Variants in TMPRSS15 observed in about 807,000 individuals in gnomAD.
The protein encoded by TMPRSS15 is transmembrane serine protease 15.
Under a neutral mutation model 125.3 loss-of-function variants are expected in TMPRSS15, and 128 were observed. That is an observed-to-expected ratio of 1.02 (90% CI 0.89 to 1.18). The LOEUF is 1.18. TMPRSS15 is among the 50% of genes most tolerant of loss of function. TMPRSS15 has a pLI of 0.00. For synonymous variants in TMPRSS15, 446 were observed against 423.2 expected (o/e 1.05, Z -0.66); for missense variants, 1,283 against 1,212.7 (o/e 1.06, Z -0.86).
At chr21:18,378,103 C>A (rs554775318) in intron 5 of TMPRSS15, among the ~76,000 whole-genome samples, 2 of 152,142 alleles carry the variant, frequency 1.3e-5, no homozygotes, top group East Asian at 3.9e-4. Flanking sequence ...AGAAAAATGG[C>A]ATTAATTTGG....
rs2075799096 is a variant in TMPRSS15 at position 18,372,256 on chromosome 21, C to G, written c.601G>C (p.Asp201His). 8 of 1,613,136 alleles carry G rather than the reference C, an allele frequency of 5.0e-6. No individual in the cohort carries two copies. The East Asian group carries it at 1.8e-4, about 36-fold the overall frequency. ...TTTACTTCTCCATCACAAAATAAAT[C>G]AGCTTTTATACACGTTAGAGCATCA... ...CTDALTCIKADLFCDGEVNCP... is the reference protein window; with the variant it reads ...CTDALTCIKAHLFCDGEVNCP... The change falls in exon 6 of 25, where the codon GAT becomes CAT. Residue 201 changes from aspartate (D) to histidine (H), a missense_variant. Coordinates refer to ENST00000284885, the MANE Select transcript of TMPRSS15 (RefSeq NM_002772.3).
intron 5 of TMPRSS15, among the ~76,000 whole-genome samples, chr21:18,374,442 C>T (rs547313530): frequency 2.9e-5 from 4 of 136,402 alleles, no homozygotes; most frequent in South Asian, 2.4e-4. Context: ...CACTGCAGTC[C>T]GCAGTCCGGC....
In TMPRSS15 at chr21:18,313,046, A is replaced by G. The variant is rs1569000316; in HGVS notation, c.2064T>C (p.Asn688=). The change falls in exon 18 of 25, where the codon AAT becomes AAC. Residue 688 remains asparagine (N), a synonymous_variant. Transcript: ENST00000284885. ...TCTGGATTCTGAACCGCACTAAACC[A>G]TTGTTGTTCGTTGTGCCATTGAAAA... ...VRFFNGTTNN[N]GLVRFRIQSI... The G allele has an allele frequency of 3.7e-6, 6 of 1,614,008 alleles. No individual in the cohort carries two copies. The highest frequency in any genetic ancestry group is 1.7e-5 in the Admixed American group (1 of 60,010).
intron 1 of TMPRSS15, among the ~76,000 whole-genome samples, chr21:18,410,543 T>C (rs939296852): frequency 1.3e-5 from 2 of 152,048 alleles, no homozygotes; most frequent in African/African-American, 4.8e-5. Context: ...TAGAACTTTT[T>C]TGAGTTTCTT....
chr21:18,450,321 T>C, intron 1 of TMPRSS15, among the ~76,000 whole-genome samples: 1 of 152,262 alleles, frequency 6.6e-6, no homozygotes, highest in African/African-American at 2.4e-5. Context: ...AGATCTATTT[T>C]TTTCTAAAAC....
rs778491832 is a variant in TMPRSS15 at position 18,352,926 on chromosome 21, T to A, written c.1148A>T (p.Asp383Val). The A allele has an allele frequency of 2.5e-6, 4 of 1,612,234 alleles. No individual in the cohort carries two copies. In the Admixed American group the frequency reaches 6.7e-5, roughly 27 times the overall value. The change falls in exon 10 of 25, where the codon GAC becomes GTC. Residue 383 changes from aspartate (D) to valine (V), a missense_variant. Coordinates refer to ENST00000284885, the MANE Select transcript of TMPRSS15 (RefSeq NM_002772.3). ...ACCTGAAGCATTGCCAAAAGTGTGG[T>A]CAAAATTGGGTCCAGTAAAAGGAGA... Reference protein sequence around the residue: ...TFSPFTGPNFDHTFGNASGFY... With the variant: ...TFSPFTGPNFVHTFGNASGFY...
chr21:18,399,415 T>C (rs1282033954), intron 1 of TMPRSS15, among the ~76,000 whole-genome samples: 1 of 152,280 alleles, frequency 6.6e-6, no homozygotes, highest in East Asian at 1.9e-4. Context: ...GCATAATTGA[T>C]GTAACATATT....
rs1186967687 is a variant in TMPRSS15, at chr21:18,466,814, G to T, written c.10+18985C>A. Among the ~76,000 whole-genome samples, 3 of 152,174 alleles carry T rather than the reference G, an allele frequency of 2.0e-5. No individual in the cohort carries two copies. In the East Asian group the frequency reaches 5.8e-4, roughly 29 times the overall value. ...GAATGCTTGTACACAGTTGGTGAGA[G>T]TGTAAATTAGTTCAACCATTGTGGA... is the stretch of plus-strand genomic sequence containing the variant. On this transcript the variant is annotated intron_variant, in intron 1 of 7. Coordinates refer to the TMPRSS15 transcript ENST00000422787.
chr21:18,351,591 C>T (rs1035519059), intron 10 of TMPRSS15, among the ~76,000 whole-genome samples: 1 of 152,130 alleles, frequency 6.6e-6, no homozygotes, highest in Non-Finnish European at 1.5e-5. Flanking sequence ...CCACGTAAGA[C>T]GTGTCTGCTT....
intron 5 of TMPRSS15, among the ~76,000 whole-genome samples, chr21:18,377,781 G>A (rs1431892701): frequency 6.6e-6 from 1 of 152,062 alleles, no homozygotes; most frequent in Non-Finnish European, 1.5e-5. Flanking sequence ...GAAGATTTCT[G>A]CTCCACTCAT....
intron 21 of TMPRSS15, among the ~76,000 whole-genome samples, chr21:18,293,790 CT>C (rs1259837703): frequency 1.3e-5 from 2 of 152,150 alleles, no homozygotes; most frequent in Non-Finnish European, 2.9e-5. Flanking sequence ...GAACTAAATA[CT>C]TTTATCTTAA....
chr21:18,369,965 T>TA (rs1299871680), intron 6 of TMPRSS15, among the ~76,000 whole-genome samples: 10 of 85,628 alleles, frequency 1.2e-4, no homozygotes, highest in Non-Finnish European at 2.1e-4. Flanking sequence ...ATATAATACT[T>TA]ACTTAAACGA....
chr21:18,306,288 T>C (rs1338435692), intron 18 of TMPRSS15, among the ~76,000 whole-genome samples: 1 of 152,154 alleles, frequency 6.6e-6, no homozygotes, highest in Non-Finnish European at 1.5e-5. Flanking sequence ...GGATGAAACA[T>C]AGGTTCTATT....
chr21:18,312,691 G>A (rs2075113193), intron 18 of TMPRSS15, among the ~76,000 whole-genome samples: 2 of 151,528 alleles, frequency 1.3e-5, no homozygotes, highest in Non-Finnish European at 2.9e-5. Flanking sequence ...CCACACATAA[G>A]TATTTTGTAT....
intron 16 of TMPRSS15, among the ~76,000 whole-genome samples, chr21:18,316,950 A>G (rs2075173678): frequency 6.6e-6 from 1 of 152,134 alleles, no homozygotes; most frequent in African/African-American, 2.4e-5. Context: ...TCAGGTGTGG[A>G]GAGGCTCAAT....
intron 12 of TMPRSS15, among the ~76,000 whole-genome samples, chr21:18,342,477 T>C (rs148187268): frequency 2.0e-5 from 3 of 152,340 alleles, no homozygotes; most frequent in African/African-American, 7.2e-5. Flanking sequence ...AAAGTGCACG[T>C]ATCTGTAGAA....
At chr21:18,448,753 G>A (rs545935661) in intron 1 of TMPRSS15, among the ~76,000 whole-genome samples, 2 of 98,888 alleles carry the variant, frequency 2.0e-5, no homozygotes, top group Admixed American at 3.0e-4. Flanking sequence ...TATCATTTTT[G>A]TAGTTGTTTC....
chr21:18,380,441 T>A (rs1047447085), intron 4 of TMPRSS15: 6 of 415,590 alleles, frequency 1.4e-5, no homozygotes, highest in Non-Finnish European at 5.1e-6. Context: ...GAAGACTGAA[T>A]GCCTCAGAAA....
intron 8 of TMPRSS15, among the ~76,000 whole-genome samples, chr21:18,355,270 C>A (rs917270665): frequency 1.3e-5 from 2 of 151,744 alleles, no homozygotes; most frequent in African/African-American, 4.8e-5. Flanking sequence ...TTCTCTTGGA[C>A]AATGGCCTCT....
Sources: gnomAD v4.1 joint callset for allele counts (sites outside exome capture counted in the v4.1 genomes callset) on GRCh38, gnomAD v4.1.1 for gene constraint, MANE v1.5 for transcripts, NCBI Gene and HGNC (gene_info 2026-07-23, HGNC 2026-07-21) for gene names.